Variants in ZNF385B observed in about 807,000 individuals in gnomAD.
ZNF385B encodes zinc finger protein 533.
ZNF385B carries 23 observed loss-of-function variants against 39.2 expected under a neutral mutation model. The observed-to-expected ratio is 0.59, with a 90% confidence interval of 0.42 to 0.83. The LOEUF (loss-of-function observed/expected upper bound fraction) is 0.83, where lower values mean the gene tolerates loss of function less well. Ranked by LOEUF, ZNF385B falls within the 40% of genes least tolerant of loss-of-function variation. The pLI is 0.00. For synonymous variants in ZNF385B, 205 were observed against 222.6 expected (o/e 0.92, Z 0.70); for missense variants, 552 against 598.9 (o/e 0.92, Z 0.82).
chr2:179,632,925 C>A (rs1223839591), intron 3 of ZNF385B, among the ~76,000 whole-genome samples: 1 of 152,150 alleles, frequency 6.6e-6, no homozygotes, highest in African/African-American at 2.4e-5. Flanking sequence ...CTATAAACAC[C>A]TATATGCAAA....
intron 1 of ZNF385B, among the ~76,000 whole-genome samples, chr2:179,860,537 C>T (rs1387982173): frequency 6.6e-6 from 1 of 152,124 alleles, no homozygotes; most frequent in Admixed American, 6.5e-5. Context: ...CGAGGCCGCC[C>T]GTCAGGGCTC....
intron 1 of ZNF385B, among the ~76,000 whole-genome samples, chr2:179,810,530 T>C (rs1314866675): frequency 6.6e-6 from 1 of 151,956 alleles, no homozygotes; most frequent in Non-Finnish European, 1.5e-5. Context: ...CCTTATAATT[T>C]AAAGTTTTTA....
intron 3 of ZNF385B, among the ~76,000 whole-genome samples, chr2:179,710,129 C>T (rs527431463): frequency 2.6e-5 from 4 of 152,140 alleles, no homozygotes; most frequent in Non-Finnish European, 5.9e-5. Flanking sequence ...TGTTCTCTGG[C>T]TCTGTGGATG....
chr2:179,677,703 G>A (rs1697024396), intron 3 of ZNF385B, among the ~76,000 whole-genome samples: 2 of 152,172 alleles, frequency 1.3e-5, no homozygotes, highest in African/African-American at 4.8e-5. Flanking sequence ...GGGAAAAGAT[G>A]AGGATGGTGC....
intron 3 of ZNF385B, among the ~76,000 whole-genome samples, chr2:179,715,068 T>G (rs1700249294): frequency 6.6e-6 from 1 of 151,738 alleles, no homozygotes; most frequent in Non-Finnish European, 1.5e-5. Context: ...ATCCAAGTCA[T>G]CTGTTATTGC....
intron 3 of ZNF385B, among the ~76,000 whole-genome samples, chr2:179,767,749 T>A (rs1006369904): frequency 6.6e-6 from 1 of 152,038 alleles, no homozygotes; most frequent in Admixed American, 6.6e-5. Flanking sequence ...TAGCATTATA[T>A]CCTGGACAAT....
rs572970736 is a variant in ZNF385B, at chr2:179,711,726, G to C, written c.298+57777C>G. Reference sequence around the variant, plus strand: ...GTTGCCAGGTAGAGGTTGCTAGGGGGAGGATGCTAAGTGAAAATGGTATAT... The same window carrying C: ...GTTGCCAGGTAGAGGTTGCTAGGGGCAGGATGCTAAGTGAAAATGGTATAT... On this transcript the variant is annotated intron_variant, in intron 3 of 9. Coordinates refer to ENST00000410066, the MANE Select transcript of ZNF385B (RefSeq NM_152520.6). Among the ~76,000 whole-genome samples, 25 of 152,218 alleles carry C rather than the reference G, an allele frequency of 1.6e-4. 1 individual carries two copies. In the South Asian group the frequency reaches 4.4e-3, roughly 27 times the overall value.
intron 1 of ZNF385B, among the ~76,000 whole-genome samples, chr2:179,821,530 G>A (rs1251430195): frequency 1.3e-5 from 2 of 151,952 alleles, no homozygotes; most frequent in African/African-American, 4.8e-5. Context: ...CAATACTCTC[G>A]AGTAATGACT....
rs2049109362 is a variant in ZNF385B at position 179,443,132 on chromosome 2, G to A, written c.*118C>T. 6.5e-6 allele frequency: 7 copies of A among 1,074,216 alleles called. No homozygotes were observed. Among genetic ancestry groups the A allele is most frequent in the Non-Finnish European group, 8.2e-6 (6 of 727,620 alleles). 66.5% of individuals were successfully genotyped at this position (1,074,216 alleles called of 1,614,324 possible). A position where few individuals can be genotyped will look rare whatever the true frequency, so the allele number is the denominator to read the frequency against. On this transcript the variant is annotated 3_prime_UTR_variant, in exon 10 of 10. Coordinates refer to ENST00000410066, the MANE Select transcript of ZNF385B (RefSeq NM_152520.6). ...TCTGGAATTGGGGGACTGGGTGGTG[G>A]GCTGCATTTTGTGGGTGAATGGGGG...
intron 1 of ZNF385B, among the ~76,000 whole-genome samples, chr2:179,791,211 T>C (rs909299330): frequency 1.3e-5 from 2 of 152,236 alleles, no homozygotes; most frequent in African/African-American, 4.8e-5. Flanking sequence ...ACTCCTGGTT[T>C]TCCAGTTTTC....
At chr2:179,528,223 T>G (rs1574625959) in intron 4 of ZNF385B, among the ~76,000 whole-genome samples, 2 of 152,238 alleles carry the variant, frequency 1.3e-5, no homozygotes, top group East Asian at 3.9e-4. Context: ...CTGCAGAGGA[T>G]TTTTTCAACT....
intron 6 of ZNF385B, among the ~76,000 whole-genome samples, chr2:179,474,234 T>C (rs533822623): frequency 1.1e-4 from 17 of 152,108 alleles, no homozygotes; most frequent in Non-Finnish European, 2.5e-4. Flanking sequence ...GCAGTAAGTG[T>C]AAGTTCACAA....
At chr2:179,809,421 G>A (rs1036021199) in intron 1 of ZNF385B, among the ~76,000 whole-genome samples, 7 of 152,062 alleles carry the variant, frequency 4.6e-5, no homozygotes, top group Admixed American at 2.0e-4. Context: ...ACATAGTAAT[G>A]CCCCACTTAA....
At chr2:179,482,598 A>C (rs2054118811) in intron 6 of ZNF385B, among the ~76,000 whole-genome samples, 1 of 152,356 alleles carries the variant, frequency 6.6e-6, no homozygotes, top group African/African-American at 2.4e-5. Context: ...ACTCTTCTTC[A>C]GAGGCATTTC....
intron 3 of ZNF385B, among the ~76,000 whole-genome samples, chr2:179,638,400 G>A (rs1559015585): frequency 2.0e-5 from 3 of 152,158 alleles, no homozygotes; most frequent in Non-Finnish European, 4.4e-5. Context: ...ATCTGGCTCA[G>A]TAAGTTTGTT....
chr2:179,824,937 T>C (rs1707598655), intron 1 of ZNF385B, among the ~76,000 whole-genome samples: 2 of 151,944 alleles, frequency 1.3e-5, no homozygotes, highest in South Asian at 4.1e-4. Flanking sequence ...ACAAGGGAAG[T>C]ACCTAATCAA....
At chr2:179,731,266 A>T (rs1701370162) in intron 3 of ZNF385B, among the ~76,000 whole-genome samples, 1 of 152,194 alleles carries the variant, frequency 6.6e-6, no homozygotes, top group South Asian at 2.1e-4. Context: ...TTTGATCATC[A>T]TACCTACTGG....
intron 1 of ZNF385B, among the ~76,000 whole-genome samples, chr2:179,815,383 G>T (rs1400447777): frequency 2.0e-5 from 3 of 152,166 alleles, no homozygotes; most frequent in Non-Finnish European, 4.4e-5. Context: ...CCTAAGTCAA[G>T]CATGAGGGAA....
At chr2:179,681,186 A>C (rs1697481458) in intron 3 of ZNF385B, among the ~76,000 whole-genome samples, 1 of 152,002 alleles carries the variant, frequency 6.6e-6, no homozygotes, top group Admixed American at 6.5e-5. Flanking sequence ...AAACTACATA[A>C]ATTTATTAAG....
Sources: gnomAD v4.1 joint callset for allele counts (sites outside exome capture counted in the v4.1 genomes callset) on GRCh38, gnomAD v4.1.1 for gene constraint, MANE v1.5 for transcripts, NCBI Gene and HGNC (gene_info 2026-07-23, HGNC 2026-07-21) for gene names.